The following BPGM variants were observed in gnomAD, a reference collection of about 807,000 sequenced individuals.
The protein encoded by BPGM is 2,3-bisphosphoglycerate mutase, erythrocyte.
Under a neutral mutation model 21.6 loss-of-function variants are expected in BPGM, and 15 were observed. The ratio of observed to expected loss-of-function variants is 0.70; its 90% CI spans 0.47 to 1.07. BPGM has a LOEUF of 1.07. BPGM is among the 50% of genes least tolerant of loss of function. The pLI, the probability that BPGM is intolerant of heterozygous loss-of-function variation, is 0.00. For synonymous variants in BPGM, 113 were observed against 116.2 expected, an observed-to-expected ratio of 0.97 and a Z score of 0.18; for missense variants, 273 against 319.0, an observed-to-expected ratio of 0.86 and a Z score of 1.10.
Position 134,679,163 on chromosome 7 carries a change from A to G in BPGM, c.*132A>G. The G allele has an allele frequency of 1.9e-6, 2 of 1,028,996 alleles. No individual in the cohort carries two copies. The highest frequency in any genetic ancestry group is 2.8e-6 in the Non-Finnish European group (2 of 702,356). 63.7% of individuals were successfully genotyped at this position (1,028,996 alleles called of 1,614,324 possible). A position where few individuals can be genotyped will look rare whatever the true frequency, so the allele number is the denominator to read the frequency against. Reference sequence around the variant, plus strand: ...TGGAGTAGAGTTTGTATAGGTAACTAGGTAACTTATTGTGGCCCAGATAAG... The same window carrying G: ...TGGAGTAGAGTTTGTATAGGTAACTGGGTAACTTATTGTGGCCCAGATAAG... On this transcript the variant is annotated 3_prime_UTR_variant, in exon 3 of 3. Coordinates refer to ENST00000344924, the MANE Select transcript of BPGM (RefSeq NM_001724.5).
At position 134,662,040 on chromosome 7, in the gene BPGM, T is replaced by TA. The variant is rs1795744722; in HGVS notation, c.534dup (p.Arg179ThrfsTer13). On this transcript the variant is annotated frameshift_variant, in exon 2 of 3. Transcript: ENST00000344924. LOFTEE classifies it high-confidence loss of function. Reference sequence around the variant, plus strand: ...AATGAAAGGATTGCTCCCGAAGTATTACGTGGCAAAACCATTCTGATATCT... The same window carrying TA: ...AATGAAAGGATTGCTCCCGAAGTATTAACGTGGCAAAACCATTCTGATATCT... 1 of 1,614,172 alleles carries TA rather than the reference T, an allele frequency of 6.2e-7. No homozygotes were observed. Among genetic ancestry groups the TA allele is most frequent in the Middle Eastern group, 1.7e-4 (1 of 6,060 alleles).
In BPGM at chr7:134,662,020, A is replaced by C. The variant is rs142076414; in HGVS notation, c.513A>C (p.Glu171Asp). The change falls in exon 2 of 3, where the codon GAA becomes GAC. Residue 171 changes from glutamate to aspartate, a missense_variant. Glu to Asp is a conservative substitution (Grantham distance 45). Transcript: ENST00000344924. Reference protein sequence around the residue: ...VLERLLPYWNERIAPEVLRGK... With the variant: ...VLERLLPYWNDRIAPEVLRGK... ...AGAGACTCCTTCCCTATTGGAATGA[A>C]AGGATTGCTCCCGAAGTATTACGTG... 21 of 1,614,050 alleles carry C rather than the reference A, an allele frequency of 1.3e-5. No homozygotes were observed. The highest frequency in any genetic ancestry group is 1.6e-5 in the Non-Finnish European group (19 of 1,180,024).
At chr7:134,663,253 C>T (rs1795764213) in intron 2 of BPGM, among the ~76,000 whole-genome samples, 1 of 152,156 alleles carries the variant, frequency 6.6e-6, no homozygotes, top group South Asian at 2.1e-4. Flanking sequence ...ATTTTTATAA[C>T]ATGACCAAGA....
intron 1 of BPGM, among the ~76,000 whole-genome samples, chr7:134,649,946 T>G (rs1795530229): frequency 6.6e-6 from 1 of 152,228 alleles, no homozygotes; most frequent in Non-Finnish European, 1.5e-5. Flanking sequence ...TTAGTCAAAG[T>G]CTGCTCCATT....
chr7:134,662,170 G>A, intron 2 of BPGM, 62 bp downstream of exon 2: 1 of 1,603,692 alleles, frequency 6.2e-7, no homozygotes, highest in Non-Finnish European at 8.5e-7. Flanking sequence ...CCTTAATCTA[G>A]AAATTAAGCT....
chr7:134,668,911 G>C (rs926748007), intron 2 of BPGM, among the ~76,000 whole-genome samples: 6 of 152,168 alleles, frequency 3.9e-5, no homozygotes, highest in Admixed American at 3.9e-4. Flanking sequence ...TGGGGTAAGA[G>C]TAGGCTGCTG....
intron 2 of BPGM, among the ~76,000 whole-genome samples, chr7:134,663,054 T>C (rs1585859392): frequency 6.6e-6 from 1 of 152,232 alleles, no homozygotes; most frequent in Non-Finnish European, 1.5e-5. Flanking sequence ...TTCCTGCCTT[T>C]CATCACTGTC....
rs1045028005 is a variant in BPGM at position 134,661,153 on chromosome 7, C to G, written c.-61-294C>G. ...CCTTTCTACTGTAAGCATAAATTGCCTTTGTATCTGGCAGAAACACAGCAT... is the reference window on the plus strand; with the variant it reads ...CCTTTCTACTGTAAGCATAAATTGCGTTTGTATCTGGCAGAAACACAGCAT... On this transcript the variant is annotated intron_variant, in intron 1 of 2. Transcript: ENST00000344924. The surrounding 1 kb of genome is among the most constrained non-coding windows in gnomAD (Gnocchi z 4.6). Among the ~76,000 whole-genome samples the G allele has an allele frequency of 4.1e-4, 17 of 41,672 alleles. No homozygotes were observed. The highest frequency in any genetic ancestry group is 7.6e-4 in the Non-Finnish European group (16 of 20,986). The allele number at this position is 41,672 out of a possible 152,430, so 27.3% of individuals were successfully genotyped here. A position where few individuals can be genotyped will look rare whatever the true frequency, so the allele number is the denominator to read the frequency against.
Position 134,672,987 on chromosome 7 carries a change from A to G in BPGM, c.602-5866A>G, listed in dbSNP as rs1795928938. Among the ~76,000 whole-genome samples, 6 of 152,270 alleles carry G rather than the reference A, an allele frequency of 3.9e-5. No individual in the cohort carries two copies. The South Asian group carries it at 1.2e-3, about 32-fold the overall frequency. On this transcript the variant is annotated intron_variant, in intron 2 of 2. Coordinates refer to ENST00000344924, the MANE Select transcript of BPGM (RefSeq NM_001724.5). Reference sequence around the variant, plus strand: ...CAGGAGATAGAGACCATCCTGGCTAACATGGTGAAACCCCATCTCTACTAA... The same window carrying G: ...CAGGAGATAGAGACCATCCTGGCTAGCATGGTGAAACCCCATCTCTACTAA...
chr7:134,653,587 G>T (rs1465815333), intron 1 of BPGM, among the ~76,000 whole-genome samples: 1 of 151,978 alleles, frequency 6.6e-6, no homozygotes, highest in African/African-American at 2.4e-5. Flanking sequence ...TATCTTTCTA[G>T]GCTAGTCTTC....
At chr7:134,655,898 C>G (rs1795629861) in intron 1 of BPGM, among the ~76,000 whole-genome samples, 1 of 152,212 alleles carries the variant, frequency 6.6e-6, no homozygotes, top group African/African-American at 2.4e-5. Context: ...TTACAGGGCA[C>G]ATAGCCATTG....
chr7:134,651,931 A>C (rs1371169940), intron 1 of BPGM, among the ~76,000 whole-genome samples: 2 of 152,214 alleles, frequency 1.3e-5, no homozygotes, highest in African/African-American at 4.8e-5. Context: ...TAATTTATGA[A>C]GATGTCTAAT....
At chr7:134,651,252 C>G (rs1795550763) in intron 1 of BPGM, among the ~76,000 whole-genome samples, 1 of 152,150 alleles carries the variant, frequency 6.6e-6, no homozygotes, top group Non-Finnish European at 1.5e-5. Context: ...GATCAAATTT[C>G]TTGCTTAAAC....
rs11395166 is a variant in BPGM at position 134,648,687 on chromosome 7, A to ATTT, written c.-62+1758_-62+1760dup. ...TTCAACTGTGACTCTTAATTTTTGC[A>ATTT]TTTTTTTTTTGAGACAGGGTCTCGC... On this transcript the variant is annotated intron_variant, in intron 1 of 2. Coordinates refer to ENST00000344924, the MANE Select transcript of BPGM (RefSeq NM_001724.5). 4.1e-3 allele frequency among the ~76,000 whole-genome samples: 608 copies of ATTT among 149,758 alleles called. 3 individuals carry two copies. Among genetic ancestry groups the ATTT allele is most frequent in the Non-Finnish European group, 6.1e-3 (407 of 67,118 alleles).
intron 1 of BPGM, among the ~76,000 whole-genome samples, chr7:134,659,111 G>A (rs1795688268): frequency 6.6e-6 from 1 of 152,122 alleles, no homozygotes; most frequent in African/African-American, 2.4e-5. Context: ...ACTGAAGAGA[G>A]AATGGCTTCA....
At chr7:134,669,645 C>T (rs1361061571) in intron 2 of BPGM, among the ~76,000 whole-genome samples, 1 of 152,166 alleles carries the variant, frequency 6.6e-6, no homozygotes, top group African/African-American at 2.4e-5. Context: ...GACAGGCTTC[C>T]TGGCTGATGG....
At chr7:134,677,450 T>TA (rs1795999045) in intron 2 of BPGM, among the ~76,000 whole-genome samples, 1 of 152,170 alleles carries the variant, frequency 6.6e-6, no homozygotes, top group African/African-American at 2.4e-5. Context: ...AGTTTGTGTA[T>TA]AAGAGTTATT....
At chr7:134,652,989 C>G (rs73439967) in intron 1 of BPGM, among the ~76,000 whole-genome samples, 15,110 of 152,134 alleles carry the variant, frequency 0.099, 1,154 homozygotes, top group African/African-American at 0.2. Context: ...TGGATGTATA[C>G]CCAGTGGCGG....
chr7:134,679,587 A>G lies in BPGM; in HGVS notation c.*556A>G, dbSNP rs1190696801. 6.5e-6 allele frequency: 1 copy of G among 153,210 alleles called. No homozygotes were observed. The allele number at this position is 153,210 out of a possible 1,614,324, so 9.5% of individuals were successfully genotyped here. On this transcript the variant is annotated 3_prime_UTR_variant, in exon 3 of 3. Transcript: ENST00000344924. ...AAGAAAGCCAACAACCACCACCACA[A>G]TGACAGAAATGACAACAAGGCCCTT...
Sources: allele counts gnomAD v4.1 joint callset (sites outside exome capture counted in the v4.1 genomes callset), GRCh38; gene constraint gnomAD v4.1.1; non-coding constraint Gnocchi (gnomAD v3.1); transcripts MANE v1.5; gene names NCBI Gene and HGNC (gene_info 2026-07-23, HGNC 2026-07-21).